The following SPSB3 variants were observed in gnomAD, a reference collection of about 807,000 sequenced individuals.
The protein encoded by SPSB3 is splA/ryanodine receptor domain and SOCS box containing 3.
A neutral mutation model predicts 29.5 loss-of-function variants in SPSB3; 18 were observed. That is an observed-to-expected ratio of 0.61 (90% CI 0.42 to 0.91). SPSB3 has a LOEUF of 0.91. Among genes scored for constraint, SPSB3 ranks in the 40% least tolerant of loss-of-function variants. SPSB3 has a pLI of 0.00. For missense variants in SPSB3, 540 were observed against 507.5 expected, an observed-to-expected ratio of 1.06 and a Z score of -0.61; for synonymous variants, 299 against 214.1, an observed-to-expected ratio of 1.40 and a Z score of -3.46.
intron 3 of SPSB3, 52 bp downstream of exon 3, chr16:1,778,383 C>T (rs779630743): frequency 1.7e-5 from 28 of 1,607,446 alleles, no homozygotes; most frequent in African/African-American, 5.3e-5. Context: ...CCCTGCCCAC[C>T]CCCAGGCCCG....
rs1567229513 is a variant in SPSB3, at chr16:1,777,367, C to T, written c.798G>A (p.Lys266=). ...TGGCGCTGGCACAGGAGCGGGTGAC[C>T]TTCATGCTGCTCCGGGCCGCCGTGG... The part of the protein sequence containing the change: ...VCSTAARSSM[K]VTRSCASATS... The change falls in exon 7 of 7, where the codon AAG becomes AAA. Residue 266 remains lysine, a synonymous_variant. Coordinates refer to ENST00000566339, the MANE Select transcript of SPSB3 (RefSeq NM_080861.4). 1.2e-6 allele frequency: 2 copies of T among 1,603,978 alleles called. No individual in the cohort carries two copies. The highest frequency in any genetic ancestry group is 1.7e-6 in the Non-Finnish European group (2 of 1,177,448).
At chr16:1,781,118 G>T in intron 2 of SPSB3, 4 of 1,447,758 alleles carry the variant, frequency 2.8e-6, no homozygotes, top group Admixed American at 2.1e-5. Context: ...AAAGCACAGT[G>T]AAGAATGCAG....
At chr16:1,782,403 G>C (rs959952943) in intron 1 of SPSB3, 99 bp downstream of exon 1, 1 of 151,910 alleles carries the variant, frequency 6.6e-6, no homozygotes, top group Non-Finnish European at 1.5e-5. Flanking sequence ...CTCCGGAGAG[G>C]AACAAAGGCG....
intron 2 of SPSB3, 190 bp from the exon 3 acceptor site, chr16:1,778,802 T>C (rs1277814477): frequency 1.8e-6 from 1 of 559,720 alleles, no homozygotes; most frequent in African/African-American, 1.9e-5. Context: ...TCTGCCCCAT[T>C]CTGCATGACC....
Position 1,777,995 on chromosome 16 carries a change from G to A in SPSB3, c.546C>T (p.Phe182=), listed in dbSNP as rs751219264. Residue 182 remains phenylalanine, a synonymous_variant, in exon 5 of 7, where the codon TTC becomes TTT. Coordinates refer to ENST00000566339, the MANE Select transcript of SPSB3 (RefSeq NM_080861.4). ...CCTCATCCCTGCCCAGCAGGCTGCA[G>A]AACGTGTGGCGGTATTTGTCCAGGT... ...DVDLDKYRHT[F]CSLLGRDEDS... 3.1e-6 allele frequency: 5 copies of A among 1,613,216 alleles called. No individual in the cohort carries two copies. Among genetic ancestry groups the A allele is most frequent in the Non-Finnish European group, 4.2e-6 (5 of 1,179,968 alleles).
intron 1 of SPSB3, 162 bp from the exon 2 acceptor site, chr16:1,781,657 G>C (rs373382970): frequency 4.5e-6 from 3 of 671,326 alleles, no homozygotes; most frequent in Non-Finnish European, 7.5e-6. Context: ...CTCACTCCAG[G>C]ATCTGAGCAG....
At chr16:1,781,767 T>G in intron 1 of SPSB3, 1 of 477,876 alleles carries the variant, frequency 2.1e-6, no homozygotes, top group Admixed American at 3.8e-5. Flanking sequence ...CTCACGAACC[T>G]GGCTGCCCCG....
At chr16:1,781,776 C>CG (rs1427929011) in intron 1 of SPSB3, 1 of 468,078 alleles carries the variant, frequency 2.1e-6, no homozygotes, top group Non-Finnish European at 3.9e-6. Flanking sequence ...CTGGCTGCCC[C>CG]GCCCGCCTGT....
At chr16:1,777,571 C>A in intron 6 of SPSB3, 128 bp from the exon 7 acceptor site, 1 of 1,345,278 alleles carries the variant, frequency 7.4e-7, no homozygotes, top group East Asian at 2.5e-5. Context: ...GCAGGGTGCA[C>A]GCGCTGGCCC....
rs759213206 is a variant in SPSB3 at position 1,778,572 on chromosome 16, G to T, written c.167C>A (p.Pro56Gln). Reference sequence around the variant, plus strand: ...GGGCACCGCACTGGGGATGGATGGCGGCAGCGTGGAGTACTCGGGGTCGGA... The same window carrying T: ...GGGCACCGCACTGGGGATGGATGGCTGCAGCGTGGAGTACTCGGGGTCGGA... ...SDSDPEYSTL[P>Q]PSIPSAVPVT... Residue 56 changes from proline to glutamine, a missense_variant, in exon 3 of 7, where the codon CCG (proline) becomes CAG (glutamine). Coordinates refer to ENST00000566339, the MANE Select transcript of SPSB3 (RefSeq NM_080861.4). 1 of 1,595,866 alleles carries T rather than the reference G, an allele frequency of 6.3e-7. No homozygotes were observed. The highest frequency in any genetic ancestry group is 8.6e-7 in the Non-Finnish European group (1 of 1,168,170).
Position 1,777,017 on chromosome 16 carries a change from T to A in SPSB3, c.*80A>T. On this transcript the variant is annotated 3_prime_UTR_variant, in exon 7 of 7. Transcript: ENST00000566339. ...ATCCAACTCCGCCCTGGAGTGTGGC[T>A]GGAAGGAAGGGACAGAGAAAGAAGG... is the stretch of plus-strand genomic sequence containing the variant. 1 of 1,498,138 alleles carries A rather than the reference T, an allele frequency of 6.7e-7. No homozygotes were observed. Among genetic ancestry groups the A allele is most frequent in the Non-Finnish European group, 9.0e-7 (1 of 1,106,310 alleles). 92.8% of individuals were successfully genotyped at this position (1,498,138 alleles called of 1,614,324 possible). A position where few individuals can be genotyped will look rare whatever the true frequency, so the allele number is the denominator to read the frequency against.
chr16:1,777,778 T>G lies in SPSB3; in HGVS notation c.690A>C (p.Thr230=), dbSNP rs1474416041. 8 of 1,612,680 alleles carry G rather than the reference T, an allele frequency of 5.0e-6. No individual in the cohort carries two copies. The East Asian group carries it at 1.8e-4, about 36-fold the overall frequency. ...IGVHLDTWHG[T]LTFFKNRKCI... is the part of the protein sequence containing the mutation. ...ACTTCCTGTTCTTGAAAAAGGTGAG[T>G]GTGCCGTGCCAGGTGTCCAGGTGCA... The change falls in exon 6 of 7, where the codon ACA becomes ACC. Residue 230 remains threonine (T), a synonymous_variant. Coordinates refer to ENST00000566339, the MANE Select transcript of SPSB3 (RefSeq NM_080861.4).
Position 1,776,714 on chromosome 16 carries a change from G to C in SPSB3, c.*383C>G. On this transcript the variant is annotated 3_prime_UTR_variant, in exon 7 of 7. Transcript: ENST00000566339. Reference sequence around the variant, plus strand: ...GATACGTTTCAGCTCACGCCATGTGGGTGTTAGACATCAACTCTACATTTA... The same window carrying C: ...GATACGTTTCAGCTCACGCCATGTGCGTGTTAGACATCAACTCTACATTTA... The C allele has an allele frequency of 3.1e-6, 1 of 318,454 alleles. No individual in the cohort carries two copies. Among genetic ancestry groups the C allele is most frequent in the South Asian group, 5.0e-5 (1 of 19,920 alleles). 19.7% of individuals were successfully genotyped at this position (318,454 alleles called of 1,614,324 possible). A position where few individuals can be genotyped will look rare whatever the true frequency, so the allele number is the denominator to read the frequency against.
At chr16:1,778,697 C>G in intron 2 of SPSB3, 85 bp from the exon 3 acceptor site, 2 of 1,441,194 alleles carry the variant, frequency 1.4e-6, no homozygotes, top group Non-Finnish European at 1.8e-6. Flanking sequence ...CCACCCTGTC[C>G]CTGACCCACC....
chr16:1,780,891 C>T (rs1436917698), intron 2 of SPSB3: 3 of 334,298 alleles, frequency 9.0e-6, no homozygotes, highest in Non-Finnish European at 1.8e-5. Flanking sequence ...TGCCACCACG[C>T]CTGACACATT....
chr16:1,781,455 G>C lies in SPSB3; in HGVS notation c.29C>G (p.Ala10Gly). MARRPRNSR[A>G]WHFVLSAARR... ...GGCTGCACTCAGGACGAAGTGCCAG[G>C]CCCTGCTGTTCCGGGGGCGTCTGGC... The change falls in exon 2 of 7, where the codon GCC (alanine) becomes GGC (glycine). Residue 10 changes from alanine to glycine, a missense_variant. Physicochemically the swap from Ala to Gly is moderately conservative, Grantham distance 60. Transcript: ENST00000566339. 6.2e-7 allele frequency: 1 copy of C among 1,612,722 alleles called. No individual in the cohort carries two copies. The highest frequency in any genetic ancestry group is 8.5e-7 in the Non-Finnish European group (1 of 1,179,982).
At position 1,777,201 on chromosome 16, in the gene SPSB3, T is replaced by G; in HGVS notation, c.964A>C (p.Ser322Arg). The change falls in exon 7 of 7, where the codon AGC becomes CGC. Residue 322 changes from serine (S) to arginine (R), a missense_variant. By Grantham distance (110) the Ser-to-Arg change is moderately radical. Coordinates refer to ENST00000566339, the MANE Select transcript of SPSB3 (RefSeq NM_080861.4). ...TCGGACACTGGAGCCTTGCGGCGGC[T>G]GCAACTCATGCTCAGGACCCAGCCC... The part of the protein sequence containing the change: ...KLGWVLSMSC[S>R]RRKAPVSDPQ... 1 of 1,610,320 alleles carries G rather than the reference T, an allele frequency of 6.2e-7. No homozygotes were observed. The highest frequency in any genetic ancestry group is 8.5e-7 in the Non-Finnish European group (1 of 1,179,790).
intron 2 of SPSB3, chr16:1,780,897 ACAT>A: frequency 3.0e-6 from 1 of 333,082 alleles, no homozygotes; most frequent in Non-Finnish European, 5.9e-6. Flanking sequence ...CACGCCTGAC[ACAT>A]TTTTTAAATT....
At chr16:1,781,591 T>A in intron 1 of SPSB3, 96 bp from the exon 2 acceptor site, 1 of 1,367,026 alleles carries the variant, frequency 7.3e-7, no homozygotes, top group South Asian at 1.4e-5. Flanking sequence ...AAGTGGGGAC[T>A]GCAGGGGCCG....
Sources: gnomAD v4.1 joint callset for allele counts on GRCh38, gnomAD v4.1.1 for gene constraint, MANE v1.5 for transcripts, NCBI Gene and HGNC (gene_info 2026-07-23, HGNC 2026-07-21) for gene names.